ZNF207: variants seen among roughly 807,000 people sequenced by gnomAD.
The protein encoded by ZNF207 is zinc finger protein 207.
ZNF207 carries 24 observed loss-of-function variants against 60.2 expected under a neutral mutation model. That is an observed-to-expected ratio of 0.40 (90% confidence interval 0.29 to 0.56). The LOEUF (loss-of-function observed/expected upper bound fraction) is 0.56. ZNF207 is among the 20% of genes least tolerant of loss of function. The pLI, the probability that ZNF207 is intolerant of heterozygous loss-of-function variation, is 0.49. For synonymous variants in ZNF207, 236 were observed against 194.7 expected, an observed-to-expected ratio of 1.21 and a Z score of -1.77; for missense variants, 452 against 636.6, an observed-to-expected ratio of 0.71 and a Z score of 3.12.
chr17:32,354,053 G>C (rs980432877), intron 2 of ZNF207, among the ~76,000 whole-genome samples: 2 of 152,078 alleles, frequency 1.3e-5, no homozygotes, highest in African/African-American at 4.8e-5. Context: ...ATAGCTCACC[G>C]CAACTTTGAA....
At chr17:32,365,931 A>G (rs1905142814) in intron 8 of ZNF207, among the ~76,000 whole-genome samples, 1 of 152,114 alleles carries the variant, frequency 6.6e-6, no homozygotes, top group African/African-American at 2.4e-5. Context: ...CTTGTGCTAA[A>G]ATGGCGTAAT....
At position 32,351,773 on chromosome 17, in the gene ZNF207, C is replaced by T; in HGVS notation, c.42-13C>T. 1.2e-6 allele frequency: 2 copies of T among 1,607,848 alleles called. No individual in the cohort carries two copies. Among genetic ancestry groups the T allele is most frequent in the Non-Finnish European group, 8.5e-7 (1 of 1,176,492 alleles). On this transcript the variant is annotated splice_polypyrimidine_tract_variant and intron_variant, in intron 1 of 11. Transcript: ENST00000394670. ...TCATTAGGCTGTCTTTGTGCCTTAA[C>T]AGTATTGATCAGGTATTGTAATAGA...
At chr17:32,355,645 G>C (rs1000358694) in intron 2 of ZNF207, among the ~76,000 whole-genome samples, 3 of 152,162 alleles carry the variant, frequency 2.0e-5, no homozygotes, top group African/African-American at 7.2e-5. Flanking sequence ...GATGTCCTTT[G>C]TAAGGACTGT....
intron 1 of ZNF207, among the ~76,000 whole-genome samples, chr17:32,350,699 C>A (rs577580961): frequency 6.6e-6 from 1 of 152,132 alleles, no homozygotes; most frequent in African/African-American, 2.4e-5. Context: ...AGGCTTATTA[C>A]TTTCATGGAG....
chr17:32,354,313 A>C (rs1904374186), intron 2 of ZNF207, among the ~76,000 whole-genome samples: 1 of 151,920 alleles, frequency 6.6e-6, no homozygotes, highest in African/African-American at 2.4e-5. Context: ...TAGGGGTTTA[A>C]ATAGAGATGT....
At chr17:32,367,657 T>C in intron 9 of ZNF207, 115 bp from the exon 10 acceptor site, 1 of 1,334,670 alleles carries the variant, frequency 7.5e-7, no homozygotes, top group Non-Finnish European at 1.0e-6. Flanking sequence ...TGTATTAATT[T>C]CATTTAAAGT....
intron 2 of ZNF207, among the ~76,000 whole-genome samples, chr17:32,357,905 C>G (rs9914513): frequency 0.64 from 96,809 of 151,682 alleles, 31,911 homozygotes; most frequent in African/African-American, 0.72. Context: ...TCAGCCTCCC[C>G]AGTAGCTGGG....
chr17:32,354,453 G>A (rs1904383962), intron 2 of ZNF207, among the ~76,000 whole-genome samples: 1 of 152,046 alleles, frequency 6.6e-6, no homozygotes, highest in African/African-American at 2.4e-5. Flanking sequence ...TAGGATTACA[G>A]GCATGCACCA....
intron 8 of ZNF207, among the ~76,000 whole-genome samples, chr17:32,366,219 T>A (rs368751597): frequency 1.1e-3 from 160 of 152,324 alleles, no homozygotes; most frequent in African/African-American, 3.6e-3. Flanking sequence ...GGGTGCTAAA[T>A]TAAAAGCATT....
chr17:32,362,312 C>T (rs1338232092), intron 6 of ZNF207, among the ~76,000 whole-genome samples: 1 of 152,152 alleles, frequency 6.6e-6, no homozygotes, highest in African/African-American at 2.4e-5. Flanking sequence ...CACACTACTG[C>T]ACCCAGCTAA....
chr17:32,366,255 C>A (rs1187597990), intron 8 of ZNF207, among the ~76,000 whole-genome samples: 4 of 152,018 alleles, frequency 2.6e-5, no homozygotes, highest in Non-Finnish European at 5.9e-5. Flanking sequence ...TTGTTAAGCA[C>A]ATTAACCTAG....
Position 32,363,529 on chromosome 17 carries a change from CTTTTTTTTTTT to C in ZNF207, c.670+563_670+573del, listed in dbSNP as rs746944466. Among the ~76,000 whole-genome samples the C allele has an allele frequency of 1.3e-3, 93 of 69,616 alleles. 4 individuals carry two copies. The highest frequency in any genetic ancestry group is 0.012 in the East Asian group (37 of 3,068). 45.7% of individuals were successfully genotyped at this position (69,616 alleles called of 152,430 possible). On this transcript the variant is annotated intron_variant, in intron 7 of 11. Coordinates refer to ENST00000394670, the MANE Select transcript of ZNF207 (RefSeq NM_001098507.2). ...ACAAGTAATAGAGAAATCCAACAAA[CTTTTTTTTTTT>C]TTTTTTTTTTTTTTTTTGAGATGGA...
chr17:32,357,633 C>T lies in ZNF207; in HGVS notation c.169-870C>T, dbSNP rs528911497. Reference sequence around the variant, plus strand: ...AAGTGCTGGGATTACAGGCGTGAGCCGCCCCACCTGACTTTTTATTTTTTA... The same window carrying T: ...AAGTGCTGGGATTACAGGCGTGAGCTGCCCCACCTGACTTTTTATTTTTTA... On this transcript the variant is annotated intron_variant, in intron 2 of 11. Coordinates refer to ENST00000394670, the MANE Select transcript of ZNF207 (RefSeq NM_001098507.2). Among the ~76,000 whole-genome samples the T allele has an allele frequency of 5.9e-5, 9 of 151,680 alleles. No homozygotes were observed. The South Asian group carries it at 8.4e-4, about 14-fold the overall frequency.
chr17:32,356,546 A>C (rs1158240827), intron 2 of ZNF207, among the ~76,000 whole-genome samples: 1 of 152,238 alleles, frequency 6.6e-6, no homozygotes, highest in African/African-American at 2.4e-5. Context: ...TGCTAAGAAG[A>C]AAATACTTAG....
intron 2 of ZNF207, among the ~76,000 whole-genome samples, chr17:32,352,522 C>T (rs373388930): frequency 6.6e-6 from 1 of 152,112 alleles, no homozygotes; most frequent in South Asian, 2.1e-4. Flanking sequence ...GTACTTGGAG[C>T]AGAGAACAAG....
At chr17:32,357,336 A>ATT (rs1419043137) in intron 2 of ZNF207, among the ~76,000 whole-genome samples, 6 of 87,902 alleles carry the variant, frequency 6.8e-5, no homozygotes, top group East Asian at 2.2e-4. Flanking sequence ...TATTATTATT[A>ATT]TTATTATTAT....
At chr17:32,367,336 C>T (rs375420916) in intron 9 of ZNF207, among the ~76,000 whole-genome samples, 26 of 134,876 alleles carry the variant, frequency 1.9e-4, no homozygotes, top group African/African-American at 7.1e-4. Context: ...TTACACTGTT[C>T]ATGTTATAGT....
Position 32,374,259 on chromosome 17 carries a change from C to T in ZNF207, c.*4500C>T, listed in dbSNP as rs1157776713. 1 of 133,068 alleles carries T rather than the reference C, an allele frequency of 7.5e-6. No homozygotes were observed. Among genetic ancestry groups the T allele is most frequent in the African/African-American group, 2.9e-5 (1 of 34,736 alleles). The allele number at this position is 133,068 out of a possible 1,614,324, so 8.2% of individuals were successfully genotyped here. A position where few individuals can be genotyped will look rare whatever the true frequency, so the allele number is the denominator to read the frequency against. On this transcript the variant is annotated 3_prime_UTR_variant, in exon 12 of 12. Transcript: ENST00000394670. ...TTTTGAGACTGTCTCGCTGTGTCAC[C>T]CAGGCCAGAGTGCAGTAGCACGATC...
chr17:32,364,895 G>T (rs2150799100), intron 7 of ZNF207, among the ~76,000 whole-genome samples: 1 of 152,340 alleles, frequency 6.6e-6, no homozygotes, highest in Non-Finnish European at 1.5e-5. Flanking sequence ...TGTTGAGGAA[G>T]TTTAAAGTAT....
Sources: allele counts gnomAD v4.1 joint callset (sites outside exome capture counted in the v4.1 genomes callset), GRCh38; gene constraint gnomAD v4.1.1; transcripts MANE v1.5; gene names NCBI Gene and HGNC (gene_info 2026-07-23, HGNC 2026-07-21).